Variants in DHX30 observed in about 807,000 individuals in gnomAD.
DHX30 encodes DExH-box helicase 30, also known as ATP-dependent RNA helicase DHX30.
A neutral mutation model predicts 116.9 loss-of-function variants in DHX30; 4 were observed. That is an observed-to-expected ratio of 0.03 (90% confidence interval 0.02 to 0.08). DHX30 has a LOEUF of 0.08. Among genes scored for constraint, DHX30 ranks in the 10% least tolerant of loss-of-function variants. DHX30 has a pLI of 1.00. For missense variants in DHX30, 871 were observed against 1,595.1 expected, an observed-to-expected ratio of 0.55 and a Z score of 7.73; for synonymous variants, 697 against 651.7, an observed-to-expected ratio of 1.07 and a Z score of -1.06.
At chr3:47,825,979 T>A (rs1293094309) in intron 4 of DHX30, 1 of 151,926 alleles carries the variant, frequency 6.6e-6, no homozygotes, top group Non-Finnish European at 1.5e-5. Flanking sequence ...GACACAGGAG[T>A]CTGTCCCAAG....
intron 4 of DHX30, among the ~76,000 whole-genome samples, chr3:47,823,457 G>C (rs1250177962): frequency 6.7e-6 from 1 of 148,630 alleles, no homozygotes. Flanking sequence ...TCCGCCTCCC[G>C]GGTTCAAGCA....
At chr3:47,849,595 C>G (rs765000281) in intron 20 of DHX30, 35 bp from the exon 21 acceptor site, 1 of 1,614,094 alleles carries the variant, frequency 6.2e-7, no homozygotes, top group Non-Finnish European at 8.5e-7. Context: ...TGGGATGGTC[C>G]AAAAGGGTGG....
chr3:47,814,943 C>T (rs1314960663), intron 3 of DHX30, among the ~76,000 whole-genome samples: 1 of 150,828 alleles, frequency 6.6e-6, no homozygotes, highest in Non-Finnish European at 1.5e-5. Flanking sequence ...AGGCTGTTCT[C>T]AAACTCCTGG....
At chr3:47,806,353 A>T (rs1228139181) in intron 2 of DHX30, among the ~76,000 whole-genome samples, 1 of 149,588 alleles carries the variant, frequency 6.7e-6, no homozygotes, top group Non-Finnish European at 1.5e-5. Context: ...CATTTTGGTC[A>T]GGCTAACCTC....
intron 2 of DHX30, among the ~76,000 whole-genome samples, chr3:47,807,876 T>C (rs564213959): frequency 1.3e-4 from 19 of 151,594 alleles, no homozygotes; most frequent in African/African-American, 4.3e-4. Context: ...ACTACAGGCA[T>C]GAGCCACCCC....
intron 4 of DHX30, chr3:47,826,158 A>G (rs938797187): frequency 1.3e-5 from 2 of 152,230 alleles, no homozygotes; most frequent in Non-Finnish European, 2.9e-5. Context: ...GCAGGTGCAC[A>G]TGTGCATATA....
chr3:47,841,577 G>A lies in DHX30; in HGVS notation c.669-40G>A, dbSNP rs979331266. ...CAGAGCCTCAGGGAAATTGGTCCAG[G>A]AAGAGAGAATTCTTTCAGTTAAACT... On this transcript the variant is annotated intron_variant, in intron 7 of 21. Transcript: ENST00000445061. 3.7e-6 allele frequency: 6 copies of A among 1,613,672 alleles called. No homozygotes were observed. The African/African-American group carries it at 5.3e-5, about 14-fold the overall frequency.
chr3:47,823,315 C>T (rs1442740733), intron 4 of DHX30, among the ~76,000 whole-genome samples: 1 of 151,452 alleles, frequency 6.6e-6, no homozygotes, highest in Non-Finnish European at 1.5e-5. Flanking sequence ...GAGACAAAGA[C>T]CCCCCTGGGA....
Position 47,848,808 on chromosome 3 carries a change from G to A in DHX30, c.2760G>A (p.Glu920=), listed in dbSNP as rs1023861839. The part of the protein sequence containing the change: ...PFSSSLQNRA[E]VDKVKALLSH... ...GCAGCAGCCTACAGAACCGGGCAGAGGTGGACAAGGTCAGTCCTGGCTCCT... is the reference window on the plus strand; with the variant it reads ...GCAGCAGCCTACAGAACCGGGCAGAAGTGGACAAGGTCAGTCCTGGCTCCT... Residue 920 remains glutamate, a synonymous_variant, in exon 17 of 22, where the codon GAG becomes GAA. Coordinates refer to ENST00000445061, the MANE Select transcript of DHX30 (RefSeq NM_138615.3). This position sits in a 1 kb window ranked among gnomAD's most constrained non-coding sequence, Gnocchi z 9.4. 10 of 1,611,402 alleles carry A rather than the reference G, an allele frequency of 6.2e-6. No homozygotes were observed. Among genetic ancestry groups the A allele is most frequent in the Non-Finnish European group, 7.6e-6 (9 of 1,177,832 alleles).
intron 3 of DHX30, among the ~76,000 whole-genome samples, chr3:47,811,947 C>T (rs2035807709): frequency 6.6e-6 from 1 of 151,896 alleles, no homozygotes; most frequent in African/African-American, 2.4e-5. Context: ...GCCTATAGTC[C>T]CAGCTACTTG....
chr3:47,846,593 G>A lies in DHX30; in HGVS notation c.1521G>A (p.Leu507=). Residue 507 remains leucine (L), a synonymous_variant, in exon 11 of 22, where the codon CTG becomes CTA. Coordinates refer to ENST00000445061, the MANE Select transcript of DHX30 (RefSeq NM_138615.3). ...VSVAQRVSHE[L]GPSLRRNVGF... ...TGGCACAGCGGGTCAGCCACGAACTGGGCCCCTCCCTGCGCCGGAATGTGG... is the reference window on the plus strand; with the variant it reads ...TGGCACAGCGGGTCAGCCACGAACTAGGCCCCTCCCTGCGCCGGAATGTGG... 1 of 1,614,130 alleles carries A rather than the reference G, an allele frequency of 6.2e-7. No individual in the cohort carries two copies. Among genetic ancestry groups the A allele is most frequent in the African/African-American group, 1.3e-5 (1 of 75,082 alleles).
chr3:47,846,606 C>T lies in DHX30; in HGVS notation c.1534C>T (p.Arg512Cys), dbSNP rs1209005438. The T allele has an allele frequency of 1.2e-6, 2 of 1,614,002 alleles. No homozygotes were observed. The highest frequency in any genetic ancestry group is 1.7e-6 in the Non-Finnish European group (2 of 1,180,046). ...RVSHELGPSL[R>C]RNVGFQVRLE... is the part of the protein sequence containing the mutation. ...CAGCCACGAACTGGGCCCCTCCCTGCGCCGGAATGTGGGCTTCCAGGTGCG... is the reference window on the plus strand; with the variant it reads ...CAGCCACGAACTGGGCCCCTCCCTGTGCCGGAATGTGGGCTTCCAGGTGCG... The change falls in exon 11 of 22, where the codon CGC becomes TGC. Residue 512 changes from arginine (R) to cysteine (C), a missense_variant. Arg to Cys is a radical substitution (Grantham distance 180). Coordinates refer to ENST00000445061, the MANE Select transcript of DHX30 (RefSeq NM_138615.3).
At chr3:47,821,714 G>A (rs1230133467) in intron 4 of DHX30, among the ~76,000 whole-genome samples, 4 of 152,032 alleles carry the variant, frequency 2.6e-5, no homozygotes, top group East Asian at 1.9e-4. Flanking sequence ...CTCCTGCCTC[G>A]GCCTCTTGAG....
At chr3:47,841,764 G>A in intron 8 of DHX30, 27 bp downstream of exon 8, 1 of 1,614,096 alleles carries the variant, frequency 6.2e-7, no homozygotes, top group Non-Finnish European at 8.5e-7. Flanking sequence ...AGAAGTTTGT[G>A]TGGGGGCCGT....
chr3:47,823,351 G>A (rs2036383239), intron 4 of DHX30, among the ~76,000 whole-genome samples: 1 of 148,532 alleles, frequency 6.7e-6, no homozygotes, highest in Non-Finnish European at 1.5e-5. Context: ...GGCATCCCTG[G>A]TTGTTGTTTT....
chr3:47,825,838 G>C (rs1405535126), intron 4 of DHX30: 1 of 152,198 alleles, frequency 6.6e-6, no homozygotes. Flanking sequence ...CCTCTGTGAC[G>C]AAACCCCCCC....
intron 3 of DHX30, among the ~76,000 whole-genome samples, chr3:47,812,046 AGAGC>A (rs891701860): frequency 2.9e-5 from 4 of 135,868 alleles, no homozygotes; most frequent in Admixed American, 1.6e-4. Context: ...CCTGGGCAAC[AGAGC>A]AAGACTCAGT....
At chr3:47,844,507 AAGCCTGTTCCTGC>A (rs1182685383) in intron 9 of DHX30, among the ~76,000 whole-genome samples, 1 of 152,220 alleles carries the variant, frequency 6.6e-6, no homozygotes, top group African/African-American at 2.4e-5. Context: ...GAGAGGGCAG[AAGCCTGTTCCTGC>A]AGCAAGGAGC....
At chr3:47,829,314 A>ATATATATTT (rs1177077114) in intron 6 of DHX30, among the ~76,000 whole-genome samples, 180 bp downstream of exon 6, 2 of 34,190 alleles carry the variant, frequency 5.8e-5, no homozygotes, top group Non-Finnish European at 1.0e-4. Context: ...ATATATATAT[A>ATATATATTT]TTTTTTTTTT....
Sources: allele counts gnomAD v4.1 joint callset (sites outside exome capture counted in the v4.1 genomes callset), GRCh38; gene constraint gnomAD v4.1.1; non-coding constraint Gnocchi (gnomAD v3.1); transcripts MANE v1.5; gene names NCBI Gene and HGNC (gene_info 2026-07-23, HGNC 2026-07-21).